KMT2A: variants seen among roughly 807,000 people sequenced by gnomAD.
KMT2A encodes the protein histone-lysine N-methyltransferase 2A.
In KMT2A, 16 loss-of-function variants were observed where a neutral mutation model predicts 345.3. That is an observed-to-expected ratio of 0.05 (90% CI 0.03 to 0.07). The LOEUF is 0.07. KMT2A is among the 10% of genes least tolerant of loss of function. The pLI is 1.00. For missense variants in KMT2A, 3,272 were observed against 4,841.6 expected (o/e 0.68, Z 9.62); for synonymous variants, 1,599 against 1,778.6 (o/e 0.90, Z 2.54).
intron 1 of KMT2A, among the ~76,000 whole-genome samples, chr11:118,446,223 C>T (rs1190453238): frequency 6.6e-6 from 1 of 152,010 alleles, no homozygotes; most frequent in African/African-American, 2.4e-5. Context: ...GTGGTGCACA[C>T]CTGCAATCCC....
Position 118,497,957 on chromosome 11 carries a change from A to G in KMT2A, c.5686A>G (p.Ile1896Val). 6.2e-7 allele frequency: 1 copy of G among 1,611,804 alleles called. No homozygotes were observed. The highest frequency in any genetic ancestry group is 8.5e-7 in the Non-Finnish European group (1 of 1,177,828). Reference sequence around the variant, plus strand: ...ATAGGATGCTGGTCGTTTACTATATATTGGCCAAAATGAGTGGACACATGT... The same window carrying G: ...ATAGGATGCTGGTCGTTTACTATATGTTGGCCAAAATGAGTGGACACATGT... ...SANDAGRLLY[I>V]GQNEWTHVNC... Residue 1896 changes from isoleucine to valine, a missense_variant, in exon 21 of 36, where the codon ATT becomes GTT. By Grantham distance (29) the Ile-to-Val change is conservative. Around this residue, in one of 27 missense-constraint regions of KMT2A, gnomAD observed 235 missense variants for 503.4 expected, o/e 0.47. Coordinates refer to ENST00000534358, the MANE Select transcript of KMT2A (RefSeq NM_001197104.2). The surrounding 1 kb of genome is among the most constrained non-coding windows in gnomAD (Gnocchi z 4.8).
At chr11:118,455,493 T>C (rs1949623967) in intron 1 of KMT2A, among the ~76,000 whole-genome samples, 1 of 152,038 alleles carries the variant, frequency 6.6e-6, no homozygotes, top group Non-Finnish European at 1.5e-5. Flanking sequence ...GGTAGCAGTC[T>C]GTATTCATTG....
intron 7 of KMT2A, 56 bp downstream of exon 7, chr11:118,482,148 C>T: frequency 6.6e-7 from 1 of 1,524,818 alleles, no homozygotes. Flanking sequence ...CAAAAAAGCA[C>T]TGATGTCTCA....
intron 1 of KMT2A, among the ~76,000 whole-genome samples, chr11:118,462,747 A>G (rs187919444): frequency 2.0e-3 from 305 of 152,190 alleles, no homozygotes; most frequent in African/African-American, 7.2e-3. Flanking sequence ...TTTTTTTAGT[A>G]GAGACAGGGT....
Position 118,506,446 on chromosome 11 carries a change from T to C in KMT2A, c.10554T>C (p.Ser3518=), listed in dbSNP as rs201733392. 2 of 1,614,180 alleles carry C rather than the reference T, an allele frequency of 1.2e-6. No homozygotes were observed. Among genetic ancestry groups the C allele is most frequent in the Non-Finnish European group, 1.7e-6 (2 of 1,180,024 alleles). ...CCAGCCCCACCTCTCCTGGGGGTTC[T>C]CCATCCTCTCCATCTTCTGGACAGC... The part of the protein sequence containing the change: ...VQASPTSPGG[S]PSSPSSGQRS... The change falls in exon 27 of 36, where the codon TCT becomes TCC. Residue 3518 remains serine, a synonymous_variant. Coordinates refer to ENST00000534358, the MANE Select transcript of KMT2A (RefSeq NM_001197104.2).
In KMT2A at chr11:118,526,000, C is replaced by T. The variant is rs1358225186; in HGVS notation, c.*3828C>T. The stretch of plus-strand genomic sequence containing the variant: ...AATATAAATATGATATATATAGGAA[C>T]TAATATAGTAATGCACCATGTAACA... On this transcript the variant is annotated 3_prime_UTR_variant, in exon 36 of 36. Coordinates refer to ENST00000534358, the MANE Select transcript of KMT2A (RefSeq NM_001197104.2). 4.6e-6 allele frequency: 1 copy of T among 219,204 alleles called. No homozygotes were observed. The highest frequency in any genetic ancestry group is 5.8e-5 in the Admixed American group (1 of 17,286). The allele number at this position is 219,204 out of a possible 1,614,324, so 13.6% of individuals were successfully genotyped here.
chr11:118,482,562 T>C (rs1950153311), intron 8 of KMT2A, 67 bp downstream of exon 8: 1 of 1,169,434 alleles, frequency 8.6e-7, no homozygotes, highest in Admixed American at 2.0e-5. Context: ...AAAAGCCTTA[T>C]CCTTGACTTC....
intron 31 of KMT2A, among the ~76,000 whole-genome samples, chr11:118,516,578 A>G (rs1555051615): frequency 2.6e-5 from 4 of 152,244 alleles, no homozygotes. Context: ...TGTCTCTTCC[A>G]TGAAGTAAAA....
At chr11:118,499,759 G>A (rs1950469985) in intron 23 of KMT2A, 76 bp from the exon 24 acceptor site, 16 of 1,128,084 alleles carry the variant, frequency 1.4e-5, no homozygotes, top group Non-Finnish European at 1.9e-5. Flanking sequence ...CAGCCTGGGC[G>A]ACAGAGTGAG....
In KMT2A at chr11:118,501,164, G is replaced by C; in HGVS notation, c.6319+17G>C. ...CTTTTACAGGTTAGTCTTGAATCAA[G>C]ATGGGACTTGAGGCTGGGCACAGTG... On this transcript the variant is annotated intron_variant, in intron 25 of 35. Coordinates refer to ENST00000534358, the MANE Select transcript of KMT2A (RefSeq NM_001197104.2). 1 of 1,610,246 alleles carries C rather than the reference G, an allele frequency of 6.2e-7. No homozygotes were observed. Among genetic ancestry groups the C allele is most frequent in the Non-Finnish European group, 8.5e-7 (1 of 1,177,440 alleles).
chr11:118,476,761 C>T lies in KMT2A; in HGVS notation c.3157-44C>T, dbSNP rs2134281854. The T allele has an allele frequency of 6.5e-7, 1 of 1,531,198 alleles. No homozygotes were observed. Among genetic ancestry groups the T allele is most frequent in the Non-Finnish European group, 8.9e-7 (1 of 1,122,638 alleles). 94.9% of individuals were successfully genotyped at this position (1,531,198 alleles called of 1,614,324 possible). ...CCTTGGCTTCGTTCAGTTATAATTT[C>T]AACATGTATGGTTGTTATTGTTTTT... On this transcript the variant is annotated intron_variant, in intron 3 of 35. Coordinates refer to ENST00000534358, the MANE Select transcript of KMT2A (RefSeq NM_001197104.2). The surrounding 1 kb of genome is among the most constrained non-coding windows in gnomAD (Gnocchi z 4.1).
chr11:118,448,368 T>C (rs1198950402), intron 1 of KMT2A: 1 of 152,202 alleles, frequency 6.6e-6, no homozygotes, highest in Non-Finnish European at 1.5e-5. Flanking sequence ...CTAATAGAAG[T>C]TTGCTTCATG....
intron 10 of KMT2A, 47 bp from the exon 11 acceptor site, chr11:118,488,567 C>G: frequency 6.3e-7 from 1 of 1,598,714 alleles, no homozygotes. Flanking sequence ...TTATGTTTTT[C>G]TACATATTAT....
chr11:118,437,001 C>T (rs1220888926), intron 1 of KMT2A, 57 bp downstream of exon 1: 4 of 1,366,712 alleles, frequency 2.9e-6, no homozygotes, highest in Non-Finnish European at 3.8e-6. Flanking sequence ...GAGCCCCCTC[C>T]CCTCCCCCAT....
chr11:118,442,807 GA>G (rs1949341153), intron 1 of KMT2A, among the ~76,000 whole-genome samples: 1 of 152,126 alleles, frequency 6.6e-6, no homozygotes, highest in Non-Finnish European at 1.5e-5. Flanking sequence ...AAAGTAGTTT[GA>G]CTTTAGTTTC....
At chr11:118,460,239 G>A (rs972322604) in intron 1 of KMT2A, among the ~76,000 whole-genome samples, 15 of 152,148 alleles carry the variant, frequency 9.9e-5, no homozygotes, top group Non-Finnish European at 2.1e-4. Flanking sequence ...GAAGAATTTT[G>A]AAATTTGAAT....
intron 1 of KMT2A, among the ~76,000 whole-genome samples, chr11:118,445,589 TA>T (rs1164336701): frequency 7.2e-5 from 11 of 152,206 alleles, no homozygotes; most frequent in Non-Finnish European, 1.6e-4. Context: ...ACCATTTAAT[TA>T]TAGAAGAAAT....
At chr11:118,488,231 G>T (rs1266074500) in intron 10 of KMT2A, among the ~76,000 whole-genome samples, 2 of 151,852 alleles carry the variant, frequency 1.3e-5, no homozygotes, top group Non-Finnish European at 2.9e-5. Flanking sequence ...ATTACAAATG[G>T]AAAGGACAAA....
In KMT2A at chr11:118,525,175, AG is replaced by A. The variant is rs1555055149; in HGVS notation, c.*3004del. 1 of 230,818 alleles carries A rather than the reference AG, an allele frequency of 4.3e-6. No homozygotes were observed. Among genetic ancestry groups the A allele is most frequent in the African/African-American group, 2.2e-5 (1 of 45,198 alleles). The allele number at this position is 230,818 out of a possible 1,614,324, so 14.3% of individuals were successfully genotyped here. On this transcript the variant is annotated 3_prime_UTR_variant, in exon 36 of 36. Transcript: ENST00000534358. Reference sequence around the variant, plus strand: ...GTGACCAAGGGAATCTCCGCACAAAAGTGCAGATTGAGGAATTGTGATGGGT... The same window carrying A: ...GTGACCAAGGGAATCTCCGCACAAAATGCAGATTGAGGAATTGTGATGGGT...
Sources: allele counts gnomAD v4.1 joint callset (sites outside exome capture counted in the v4.1 genomes callset), GRCh38; gene constraint gnomAD v4.1.1; regional missense constraint gnomAD v4.1.1; non-coding constraint Gnocchi (gnomAD v3.1); transcripts MANE v1.5; gene names NCBI Gene and HGNC (gene_info 2026-07-23, HGNC 2026-07-21).